Variants in SCARF1 observed in about 807,000 individuals in gnomAD.
SCARF1 encodes the protein scavenger receptor class F member 1.
In SCARF1, 49 loss-of-function variants were observed where a neutral mutation model predicts 76.3. The ratio of observed to expected loss-of-function variants is 0.64; its 90% CI spans 0.51 to 0.81. The LOEUF is 0.81. SCARF1 is among the 40% of genes least tolerant of loss of function. SCARF1 has a pLI of 0.00. For missense variants in SCARF1, 1,098 were observed against 1,143.9 expected, an observed-to-expected ratio of 0.96 and a Z score of 0.58; for synonymous variants, 495 against 474.6, an observed-to-expected ratio of 1.04 and a Z score of -0.56.
rs1166679529 is a variant in SCARF1, at chr17:1,634,708, A to C, written c.*50T>G. ...TGGCCCCGGGATCATTTTCCAGCAC[A>C]CAGCACAGTCTAGTCCATCCACTCT... On this transcript the variant is annotated 3_prime_UTR_variant, in exon 11 of 11. Transcript: ENST00000263071. 1.1e-5 allele frequency: 16 copies of C among 1,518,636 alleles called. No individual in the cohort carries two copies. Among genetic ancestry groups the C allele is most frequent in the Non-Finnish European group, 1.4e-5 (16 of 1,132,244 alleles). The allele number at this position is 1,518,636 out of a possible 1,614,324, so 94.1% of individuals were successfully genotyped here.
At position 1,634,928 on chromosome 17, in the gene SCARF1, C is replaced by T; in HGVS notation, c.2323G>A (p.Glu775Lys). Residue 775 changes from glutamate (E) to lysine (K), a missense_variant, in exon 11 of 11, where the codon GAA becomes AAA. Glu to Lys is a moderately conservative substitution (Grantham distance 56). Coordinates refer to ENST00000263071, the MANE Select transcript of SCARF1 (RefSeq NM_003693.4). ...CCAGCCCCCAGCCCCCGGACCGCTTCCTCTGGTCTGACTGCCATAGGCCCT... is the reference window on the plus strand; with the variant it reads ...CCAGCCCCCAGCCCCCGGACCGCTTTCTCTGGTCTGACTGCCATAGGCCCT... ...ATGPMAVRPE[E>K]AVRGLGAGTE... 6.2e-7 allele frequency: 1 copy of T among 1,613,678 alleles called. No individual in the cohort carries two copies. The highest frequency in any genetic ancestry group is 8.5e-7 in the Non-Finnish European group (1 of 1,179,840).
chr17:1,635,526 G>A lies in SCARF1; in HGVS notation c.1725C>T (p.Ala575=). Residue 575 remains alanine (A), a synonymous_variant, in exon 11 of 11, where the codon GCC becomes GCT. Transcript: ENST00000263071. Reference sequence around the variant, plus strand: ...GAGCTAGGCTGGAGGTGCGCGGGATGGCGAATGGCGTGGAGGCGTCCTCAG... The same window carrying A: ...GAGCTAGGCTGGAGGTGCGCGGGATAGCGAATGGCGTGGAGGCGTCCTCAG... The part of the protein sequence containing the change: ...PPPEDASTPF[A]IPRTSSLARA... The A allele has an allele frequency of 6.2e-7, 1 of 1,613,706 alleles. No homozygotes were observed. Among genetic ancestry groups the A allele is most frequent in the Non-Finnish European group, 8.5e-7 (1 of 1,179,996 alleles).
At chr17:1,643,348 T>TCCGCCCCGCCCCCCTGTCTCCGCC (rs1910238472) in intron 4 of SCARF1, 94 bp downstream of exon 4, 1 of 41,194 alleles carries the variant, frequency 2.4e-5, no homozygotes, top group Non-Finnish European at 4.5e-5. Flanking sequence ...GCCCCCTGTC[T>TCCGCCCCGCCCCCCTGTCTCCGCC]CCGCCCCGCC....
chr17:1,640,494 C>T lies in SCARF1; in HGVS notation c.964G>A (p.Asp322Asn). 6.3e-7 allele frequency: 1 copy of T among 1,579,560 alleles called. No homozygotes were observed. Among genetic ancestry groups the T allele is most frequent in the African/African-American group, 1.4e-5 (1 of 74,048 alleles). Residue 322 changes from aspartate (D) to asparagine (N), a missense_variant, in exon 5 of 11, where the codon GAT becomes AAT. Asp to Asn is a conservative substitution (Grantham distance 23). Transcript: ENST00000263071. The surrounding 1 kb of genome is among the most constrained non-coding windows in gnomAD (Gnocchi z 4.7). Reference sequence around the variant, plus strand: ...TCACAGCGCTGACAGTGGCCAGTATCTGGCTCACAGGCCTCCCCATGTCGG... The same window carrying T: ...TCACAGCGCTGACAGTGGCCAGTATTTGGCTCACAGGCCTCCCCATGTCGG... ...HCRHGEACEP[D>N]TGHCQRCDPG... is the part of the protein sequence containing the mutation.
rs536791144 is a variant in SCARF1 at position 1,640,073 on chromosome 17, C to A, written c.1011-33G>T. 1 of 1,607,410 alleles carries A rather than the reference C, an allele frequency of 6.2e-7. No individual in the cohort carries two copies. Among genetic ancestry groups the A allele is most frequent in the Non-Finnish European group, 8.5e-7 (1 of 1,177,114 alleles). On this transcript the variant is annotated intron_variant, in intron 5 of 10. Coordinates refer to ENST00000263071, the MANE Select transcript of SCARF1 (RefSeq NM_003693.4). The surrounding 1 kb of genome is among the most constrained non-coding windows in gnomAD (Gnocchi z 4.7). Reference sequence around the variant, plus strand: ...GAGGCAAGACTCGGGGAAGGGGAGACCAAGGCAGGCCTGGCCCCCACTGTG... The same window carrying A: ...GAGGCAAGACTCGGGGAAGGGGAGAACAAGGCAGGCCTGGCCCCCACTGTG...
chr17:1,637,162 G>A, intron 8 of SCARF1, 100 bp from the exon 9 acceptor site: 3 of 1,259,016 alleles, frequency 2.4e-6, no homozygotes, highest in Non-Finnish European at 3.4e-6. Flanking sequence ...TACTTCAGTG[G>A]CTTCAGTGGC....
chr17:1,644,351 T>C lies in SCARF1; in HGVS notation c.266-384A>G. ...GCTTTCTCCTGATCTCAGGCCTGGA[T>C]ACTGCCCGCCAGGGTGTCGGGAGAA... On this transcript the variant is annotated intron_variant, in intron 3 of 10. Transcript: ENST00000263071. This position sits in a 1 kb window ranked among gnomAD's most constrained non-coding sequence, Gnocchi z 4.8. The C allele has an allele frequency of 3.6e-6, 1 of 274,230 alleles. No homozygotes were observed. Among genetic ancestry groups the C allele is most frequent in the South Asian group, 9.0e-5 (1 of 11,116 alleles). The allele number at this position is 274,230 out of a possible 1,614,324, so 17.0% of individuals were successfully genotyped here.
intron 8 of SCARF1, among the ~76,000 whole-genome samples, chr17:1,637,834 C>T (rs963092883): frequency 1.3e-5 from 2 of 152,168 alleles, no homozygotes; most frequent in African/African-American, 4.8e-5. Flanking sequence ...GCTCTACCCC[C>T]ACATGTGGAG....
In SCARF1 at chr17:1,635,035, T is replaced by A; in HGVS notation, c.2216A>T (p.Lys739Ile). 1.2e-6 allele frequency: 2 copies of A among 1,613,890 alleles called. No homozygotes were observed. The highest frequency in any genetic ancestry group is 1.1e-5 in the South Asian group (1 of 91,072). Reference sequence around the variant, plus strand: ...AGAGGCAAGGCCAGGGCTGCCCTTTTTCCGATTCAGGGCCTGGCGCGGAGG... The same window carrying A: ...AGAGGCAAGGCCAGGGCTGCCCTTTATCCGATTCAGGGCCTGGCGCGGAGG... ...PKPPRQALNR[K>I]KGSPGLASGS... The change falls in exon 11 of 11, where the codon AAA becomes ATA. Residue 739 changes from lysine to isoleucine, a missense_variant. Lys to Ile is a moderately radical substitution (Grantham distance 102, BLOSUM62 -3). Transcript: ENST00000263071.
At position 1,635,525 on chromosome 17, in the gene SCARF1, T is replaced by C; in HGVS notation, c.1726A>G (p.Ile576Val). ...CGAGCTAGGCTGGAGGTGCGCGGGA[T>C]GGCGAATGGCGTGGAGGCGTCCTCA... ...PPEDASTPFA[I>V]PRTSSLARAK... The change falls in exon 11 of 11, where the codon ATC becomes GTC. Residue 576 changes from isoleucine (I) to valine (V), a missense_variant. Transcript: ENST00000263071. 2 of 1,613,672 alleles carry C rather than the reference T, an allele frequency of 1.2e-6. No individual in the cohort carries two copies. The highest frequency in any genetic ancestry group is 1.7e-6 in the Non-Finnish European group (2 of 1,179,978).
At chr17:1,638,231 C>G (rs149816046) in intron 8 of SCARF1, 2 of 152,482 alleles carry the variant, frequency 1.3e-5, no homozygotes, top group East Asian at 3.9e-4. Context: ...GAACAAAGCT[C>G]TGCGTAAGCC....
chr17:1,636,717 G>A lies in SCARF1; in HGVS notation c.1625C>T (p.Pro542Leu). 6.2e-7 allele frequency: 1 copy of A among 1,613,976 alleles called. No homozygotes were observed. The highest frequency in any genetic ancestry group is 8.5e-7 in the Non-Finnish European group (1 of 1,179,936). The change falls in exon 10 of 11, where the codon CCC becomes CTC. Residue 542 changes from proline to leucine, a missense_variant. Physicochemically the swap from Pro to Leu is moderately conservative, Grantham distance 98 (BLOSUM62 -3). Transcript: ENST00000263071. ...GGCTGTTGGGGGGCTACCTTCTTGG[G>A]GTGGCACACAGTAGGCAGGAACCTC... ...ADEVPAYCVP[P>L]QEGMVPVAQA...
Position 1,635,450 on chromosome 17 carries a change from G to A in SCARF1, c.1801C>T (p.Gln601Ter). The part of the protein sequence containing the change: ...SFAEGTKFAP[Q>*]SRRSSGELSS... ...AGCTCCCCTGAGCTTCGGCGACTCT[G>A]TGGTGCAAACTTGGTACCTTCCGCG... The change falls in exon 11 of 11, where the codon CAG becomes TAG. Residue 601 changes from glutamine (Q) to a stop codon, truncating the protein, a stop_gained. Coordinates refer to ENST00000263071, the MANE Select transcript of SCARF1 (RefSeq NM_003693.4). LOFTEE classifies it low-confidence loss of function (END_TRUNC). 2 of 1,614,094 alleles carry A rather than the reference G, an allele frequency of 1.2e-6. No individual in the cohort carries two copies. The highest frequency in any genetic ancestry group is 1.3e-5 in the African/African-American group (1 of 75,062).
intron 4 of SCARF1, among the ~76,000 whole-genome samples, chr17:1,641,772 C>A (rs896505793): frequency 8.6e-5 from 13 of 152,040 alleles, no homozygotes; most frequent in African/African-American, 2.9e-4. Context: ...CCCAGGCTGG[C>A]GTGCAGTGGC....
chr17:1,634,899 G>A lies in SCARF1; in HGVS notation c.2352C>T (p.Thr784=), dbSNP rs958466471. 28 of 1,613,424 alleles carry A rather than the reference G, an allele frequency of 1.7e-5. No homozygotes were observed. The highest frequency in any genetic ancestry group is 2.3e-5 in the Non-Finnish European group (27 of 1,179,960). ...GCTCCTGGGCTCTCCTTGAACTCTCGGTGCCAGCCCCCAGCCCCCGGACCG... is the reference window on the plus strand; with the variant it reads ...GCTCCTGGGCTCTCCTTGAACTCTCAGTGCCAGCCCCCAGCCCCCGGACCG... ...EEAVRGLGAG[T]ESSRRAQEPV... The change falls in exon 11 of 11, where the codon ACC becomes ACT. Residue 784 remains threonine, a synonymous_variant. Transcript: ENST00000263071.
intron 4 of SCARF1, among the ~76,000 whole-genome samples, chr17:1,641,653 G>A (rs78274576): frequency 1.3e-5 from 2 of 152,130 alleles, no homozygotes; most frequent in African/African-American, 4.8e-5. Flanking sequence ...CCATTAGTAG[G>A]GGAGAAGAAG....
At chr17:1,635,903 T>C (rs1909520664) in intron 10 of SCARF1, among the ~76,000 whole-genome samples, 1 of 151,886 alleles carries the variant, frequency 6.6e-6, no homozygotes, top group Non-Finnish European at 1.5e-5. Flanking sequence ...ATCACAGGTG[T>C]GAGTCACCAC....
At chr17:1,642,783 T>A (rs1910158450) in intron 4 of SCARF1, among the ~76,000 whole-genome samples, 1 of 152,208 alleles carries the variant, frequency 6.6e-6, no homozygotes, top group Admixed American at 6.5e-5. Context: ...CGACCTCGGC[T>A]CACTGCAACC....
At chr17:1,639,536 C>T in intron 7 of SCARF1, 103 bp downstream of exon 7, 2 of 688,806 alleles carry the variant, frequency 2.9e-6, no homozygotes, top group South Asian at 1.7e-5. Flanking sequence ...AAGAATATCT[C>T]TGAAGTGGGC....
Sources: allele counts gnomAD v4.1 joint callset (sites outside exome capture counted in the v4.1 genomes callset), GRCh38; gene constraint gnomAD v4.1.1; non-coding constraint Gnocchi (gnomAD v3.1); transcripts MANE v1.5; gene names NCBI Gene and HGNC (gene_info 2026-07-23, HGNC 2026-07-21).